RYK: variants seen among roughly 807,000 people sequenced by gnomAD.
RYK encodes inactive tyrosine-protein kinase RYK.
Under a neutral mutation model 70.2 loss-of-function variants are expected in RYK, and 21 were observed. The observed-to-expected ratio is 0.30, with a 90% CI of 0.21 to 0.43. RYK has a LOEUF of 0.43. Among genes scored for constraint, RYK ranks in the 20% least tolerant of loss-of-function variants. RYK has a pLI of 1.00. For synonymous variants in RYK, 267 were observed against 278.0 expected (o/e 0.96, Z 0.39); for missense variants, 604 against 753.3 (o/e 0.80, Z 2.32).
At chr3:134,193,902 A>T (rs1468127140) in intron 7 of RYK, among the ~76,000 whole-genome samples, 1 of 152,192 alleles carries the variant, frequency 6.6e-6, no homozygotes, top group Non-Finnish European at 1.5e-5. Context: ...TAGGGGGTGC[A>T]GCAGGGACAG....
chr3:134,160,121 GAAC>G (rs1431544470), intron 13 of RYK, among the ~76,000 whole-genome samples: 2 of 152,302 alleles, frequency 1.3e-5, no homozygotes, highest in African/African-American at 4.8e-5. Context: ...CCTGAGGTCA[GAAC>G]AACTGAACTT....
At chr3:134,199,891 C>T (rs372927314) in intron 6 of RYK, among the ~76,000 whole-genome samples, 19 of 151,258 alleles carry the variant, frequency 1.3e-4, no homozygotes, top group East Asian at 3.9e-4. Flanking sequence ...GGTTTGTAAA[C>T]GCACCAATCA....
intron 1 of RYK, among the ~76,000 whole-genome samples, chr3:134,246,439 T>C (rs2015470691): frequency 7.8e-6 from 1 of 127,860 alleles, no homozygotes; most frequent in Non-Finnish European, 1.7e-5. Context: ...CCCACTAAGG[T>C]AATACAAGAA....
chr3:134,199,368 TA>T (rs2013916119), intron 6 of RYK, among the ~76,000 whole-genome samples: 1 of 152,254 alleles, frequency 6.6e-6, no homozygotes, highest in Admixed American at 6.5e-5. Flanking sequence ...TTCATGAATG[TA>T]AAGCACAGGG....
intron 13 of RYK, among the ~76,000 whole-genome samples, chr3:134,174,428 A>G (rs1481347154): frequency 6.6e-6 from 1 of 152,246 alleles, no homozygotes; most frequent in East Asian, 1.9e-4. Context: ...TAAAACATAC[A>G]CACTTTGAAA....
chr3:134,211,500 T>C lies in RYK; in HGVS notation c.454+8A>G. 4 of 1,600,964 alleles carry C rather than the reference T, an allele frequency of 2.5e-6. No homozygotes were observed. Among genetic ancestry groups the C allele is most frequent in the Non-Finnish European group, 3.4e-6 (4 of 1,170,320 alleles). ...ATGTTAACTCTGTCTTTGAAGACTC[T>C]TACTTACCTGATAAAGTGCGTGGAA... On this transcript the variant is annotated splice_region_variant and intron_variant, in intron 3 of 14. Transcript: ENST00000623711.
At chr3:134,241,415 A>G (rs1576538577) in intron 1 of RYK, among the ~76,000 whole-genome samples, 2 of 76,760 alleles carry the variant, frequency 2.6e-5, no homozygotes, top group South Asian at 9.1e-4. Flanking sequence ...ACCTTTTTAT[A>G]ATATCATATT....
At chr3:134,215,286 G>C (rs1259905962) in intron 2 of RYK, among the ~76,000 whole-genome samples, 2 of 152,214 alleles carry the variant, frequency 1.3e-5, no homozygotes, top group Non-Finnish European at 2.9e-5. Context: ...AAAAGGAGGA[G>C]AGAAGGGAAG....
In RYK at chr3:134,214,748, C is replaced by T. The variant is rs527772716; in HGVS notation, c.355-3141G>A. 2.6e-5 allele frequency among the ~76,000 whole-genome samples: 4 copies of T among 152,324 alleles called. No individual in the cohort carries two copies. The East Asian group carries it at 5.8e-4, about 22-fold the overall frequency. On this transcript the variant is annotated intron_variant, in intron 2 of 14. Coordinates refer to ENST00000623711, the MANE Select transcript of RYK (RefSeq NM_002958.4). The stretch of plus-strand genomic sequence containing the variant: ...TTTCCCTCGTCTTATTCCAACCTTA[C>T]AGGCCTTCCCCACCTCCTCACACTC...
intron 13 of RYK, among the ~76,000 whole-genome samples, chr3:134,167,876 C>T (rs896458222): frequency 6.6e-6 from 1 of 152,166 alleles, no homozygotes; most frequent in South Asian, 2.1e-4. Context: ...ATCTACTCAT[C>T]TGACAAAGGG....
At chr3:134,184,661 G>T (rs1353322499) in intron 9 of RYK, among the ~76,000 whole-genome samples, 1 of 151,954 alleles carries the variant, frequency 6.6e-6, no homozygotes, top group Non-Finnish European at 1.5e-5. Flanking sequence ...GCCACTGAGG[G>T]GGTTGAGGCT....
At chr3:134,177,062 A>C (rs2013129062) in intron 11 of RYK, among the ~76,000 whole-genome samples, 1 of 44,586 alleles carries the variant, frequency 2.2e-5, no homozygotes, top group Non-Finnish European at 4.5e-5. Flanking sequence ...AAACACAAAA[A>C]ACAAAAAACA....
At chr3:134,200,305 G>A (rs1289499411) in intron 6 of RYK, among the ~76,000 whole-genome samples, 1 of 152,180 alleles carries the variant, frequency 6.6e-6, no homozygotes, top group Non-Finnish European at 1.5e-5. Context: ...CCCACCAGGA[G>A]GAACGAACCA....
intron 1 of RYK, among the ~76,000 whole-genome samples, chr3:134,249,229 G>A (rs180911178): frequency 3.3e-4 from 50 of 152,258 alleles, no homozygotes; most frequent in Admixed American, 2.1e-3. Context: ...GAAGGATTAA[G>A]AATGAGCACG....
intron 9 of RYK, among the ~76,000 whole-genome samples, chr3:134,188,596 A>C (rs771991477): frequency 5.3e-5 from 8 of 152,228 alleles, no homozygotes; most frequent in Non-Finnish European, 1.2e-4. Flanking sequence ...TTAACTGAGT[A>C]ATATCTAAGA....
At chr3:134,171,052 C>G (rs1022921850) in intron 13 of RYK, 1 of 152,210 alleles carries the variant, frequency 6.6e-6, no homozygotes, top group East Asian at 1.9e-4. Context: ...GCAAAGATGA[C>G]GAGGAGGAAG....
chr3:134,165,004 T>C (rs1242905201), intron 13 of RYK, among the ~76,000 whole-genome samples: 1 of 152,244 alleles, frequency 6.6e-6, no homozygotes, highest in Non-Finnish European at 1.5e-5. Flanking sequence ...TTTTTCAAAC[T>C]TGGAGAGAAT....
At chr3:134,175,499 G>A (rs1455926768) in intron 13 of RYK, 110 bp downstream of exon 13, 65 of 1,309,210 alleles carry the variant, frequency 5.0e-5, no homozygotes, top group South Asian at 8.5e-5. Flanking sequence ...AAAAATTTCC[G>A]GGAACAGCTA....
chr3:134,245,868 C>T (rs574607484), intron 1 of RYK, among the ~76,000 whole-genome samples: 2 of 152,256 alleles, frequency 1.3e-5, no homozygotes, highest in East Asian at 3.9e-4. Flanking sequence ...CCTGAACTCA[C>T]AAGTCACTAG....
Sources: gnomAD v4.1 joint callset for allele counts (sites outside exome capture counted in the v4.1 genomes callset) on GRCh38, gnomAD v4.1.1 for gene constraint, MANE v1.5 for transcripts, NCBI Gene and HGNC (gene_info 2026-07-23, HGNC 2026-07-21) for gene names.